Variants in TEP1 observed in about 807,000 individuals in gnomAD.
TEP1 encodes the protein telomerase protein component 1.
In TEP1, 241 loss-of-function variants were observed where a neutral mutation model predicts 306.3. That is an observed-to-expected ratio of 0.79 (90% CI 0.71 to 0.88). TEP1 has a LOEUF of 0.88. Ranked by LOEUF, TEP1 falls within the 40% of genes least tolerant of loss-of-function variation. TEP1 has a pLI of 0.00. For missense variants in TEP1, 3,051 were observed against 3,276.1 expected (o/e 0.93, Z 1.68); for synonymous variants, 1,289 against 1,305.5 (o/e 0.99, Z 0.27).
rs146938823 is a variant in TEP1, at chr14:20,373,141, G to T, written c.6821C>A (p.Thr2274Lys). The T allele has an allele frequency of 4.3e-6, 7 of 1,614,096 alleles. No individual in the cohort carries two copies. In the African/African-American group the frequency reaches 8.0e-5, roughly 18 times the overall value. ...GGCTGCAGAACTCCTTGGTATACAT[G>T]TGTCATCTGGAGGAGAAAGGACGTG... is the stretch of plus-strand genomic sequence containing the variant. Reference protein sequence around the residue: ...LWQVPKEADDTCIPRSSAAVT... With the variant: ...LWQVPKEADDKCIPRSSAAVT... The change falls in exon 48 of 55, where the codon ACA becomes AAA. Residue 2274 changes from threonine to lysine, a missense_variant. Around this residue, in one of 3 missense-constraint regions of TEP1, gnomAD observed 1,540 missense variants for 1,705.9 expected, o/e 0.90. Coordinates refer to ENST00000262715, the MANE Select transcript of TEP1 (RefSeq NM_007110.5).
intron 7 of TEP1, 65 bp from the exon 8 acceptor site, chr14:20,401,646 T>C (rs745542073): frequency 1.9e-5 from 31 of 1,593,218 alleles, no homozygotes; most frequent in Admixed American, 1.1e-4. Context: ...CTTTCTTCAA[T>C]AAAGCAGATT....
At chr14:20,391,565 C>A (rs528685127) in intron 13 of TEP1, 34 bp downstream of exon 13, 2 of 1,596,086 alleles carry the variant, frequency 1.3e-6, no homozygotes, top group South Asian at 2.2e-5. Context: ...TTCTACCAAC[C>A]CAACCCCTTG....
intron 49 of TEP1, among the ~76,000 whole-genome samples, chr14:20,372,143 C>T (rs1321055793): frequency 1.3e-5 from 2 of 152,132 alleles, no homozygotes; most frequent in Non-Finnish European, 1.5e-5. Flanking sequence ...TATTCAATTC[C>T]ATTTCCCTTA....
chr14:20,366,680 C>T lies in TEP1; in HGVS notation c.*1757G>A, dbSNP rs561724576. ...GAGTAAAACTCAGTGCCCTTTAACT[C>T]CCCAAGTCTTCAAAACTCATTTCTA... On this transcript the variant is annotated 3_prime_UTR_variant, in exon 55 of 55. Coordinates refer to ENST00000262715, the MANE Select transcript of TEP1 (RefSeq NM_007110.5). The T allele has an allele frequency of 2.0e-5, 3 of 152,280 alleles. No individual in the cohort carries two copies. Among genetic ancestry groups the T allele is most frequent in the South Asian group, 4.2e-4 (2 of 4,818 alleles). 9.4% of individuals were successfully genotyped at this position (152,280 alleles called of 1,614,324 possible). A position where few individuals can be genotyped will look rare whatever the true frequency, so the allele number is the denominator to read the frequency against.
chr14:20,374,809 G>T (rs572714377), intron 43 of TEP1, among the ~76,000 whole-genome samples: 1 of 152,246 alleles, frequency 6.6e-6, no homozygotes, highest in South Asian at 2.1e-4. Flanking sequence ...AAGGACTTAG[G>T]CTGGGCACGG....
chr14:20,396,603 C>T lies in TEP1; in HGVS notation c.1659+18G>A. The stretch of plus-strand genomic sequence containing the variant: ...ATCTAGTTGCTGGGCCCCATGGCTA[C>T]CAGCCCCTCACACATACCGCATGCT... On this transcript the variant is annotated intron_variant, in intron 10 of 54. Coordinates refer to ENST00000262715, the MANE Select transcript of TEP1 (RefSeq NM_007110.5). The T allele has an allele frequency of 6.3e-7, 1 of 1,589,596 alleles. No individual in the cohort carries two copies. The highest frequency in any genetic ancestry group is 1.7e-5 in the Admixed American group (1 of 59,474).
intron 49 of TEP1, among the ~76,000 whole-genome samples, chr14:20,371,933 A>T (rs1884866078): frequency 6.6e-6 from 1 of 151,934 alleles, no homozygotes; most frequent in South Asian, 2.1e-4. Context: ...TCCCCTTCTC[A>T]TCTCCACAGC....
intron 43 of TEP1, among the ~76,000 whole-genome samples, chr14:20,374,781 G>A (rs1184929663): frequency 6.6e-6 from 1 of 152,052 alleles, no homozygotes; most frequent in Non-Finnish European, 1.5e-5. Context: ...TGGTTGTGGG[G>A]CTGAGTGCGT....
intron 13 of TEP1, 65 bp from the exon 14 acceptor site, chr14:20,391,161 G>A: frequency 6.5e-7 from 1 of 1,541,452 alleles, no homozygotes; most frequent in Non-Finnish European, 8.9e-7. Flanking sequence ...TGCCCAGCCA[G>A]CCCTGGAGGC....
In TEP1 at chr14:20,380,960, G is replaced by A. The variant is rs1324167387; in HGVS notation, c.4733C>T (p.Ser1578Phe). ...GAGGGCATGGGCCTCCAAGAGCCGAGAGACCAGACCCAATTCCAAGTGTGC... is the reference window on the plus strand; with the variant it reads ...GAGGGCATGGGCCTCCAAGAGCCGAAAGACCAGACCCAATTCCAAGTGTGC... ...VAAHLELGLV[S>F]RLLEAHALYA... The change falls in exon 33 of 55, where the codon TCT (serine) becomes TTT (phenylalanine). Residue 1578 changes from serine to phenylalanine, a missense_variant. Ser to Phe is a radical substitution (Grantham distance 155, BLOSUM62 -2). Transcript: ENST00000262715. 6.2e-7 allele frequency: 1 copy of A among 1,614,130 alleles called. No individual in the cohort carries two copies. Among genetic ancestry groups the A allele is most frequent in the Non-Finnish European group, 8.5e-7 (1 of 1,180,032 alleles).
rs1885434574 is a variant in TEP1, at chr14:20,380,026, T to C, written c.5031A>G (p.Ser1677=). ...TGGAGAAGGCCACAGCAGTAGGGGA[T>C]GAGGAAACTGCCAGAGACAGGCTGG... ...QSSSLSLAVS[S]SPTAVAFSTN... Residue 1677 remains serine (S), a synonymous_variant, in exon 35 of 55, where the codon TCA becomes TCG. Coordinates refer to ENST00000262715, the MANE Select transcript of TEP1 (RefSeq NM_007110.5). 3.1e-6 allele frequency: 5 copies of C among 1,613,746 alleles called. No homozygotes were observed. Among genetic ancestry groups the C allele is most frequent in the Non-Finnish European group, 4.2e-6 (5 of 1,179,928 alleles).
chr14:20,398,030 G>A (rs1168123141), intron 9 of TEP1, among the ~76,000 whole-genome samples: 2 of 151,776 alleles, frequency 1.3e-5, no homozygotes, highest in African/African-American at 2.4e-5. Context: ...TGGGATTACA[G>A]GCGTGAGCCA....
At chr14:20,388,125 C>A in intron 17 of TEP1, 62 bp from the exon 18 acceptor site, 2 of 1,578,198 alleles carry the variant, frequency 1.3e-6, no homozygotes, top group South Asian at 2.3e-5. Context: ...GTGAGGTCTT[C>A]CGAAAAGGGC....
rs1302419279 is a variant in TEP1, at chr14:20,380,485, G to C, written c.4763-10C>G. The C allele has an allele frequency of 6.2e-6, 10 of 1,605,920 alleles. No individual in the cohort carries two copies. The highest frequency in any genetic ancestry group is 8.5e-6 in the Non-Finnish European group (10 of 1,177,174). On this transcript the variant is annotated splice_polypyrimidine_tract_variant and intron_variant, in intron 33 of 54. Transcript: ENST00000262715. ...TTGGGGACTGAAGAAGCTATAAAAG[G>C]GTGGCAGAATGTCACTGGGGAGCCA...
chr14:20,372,562 C>T (rs1189360778), intron 49 of TEP1, among the ~76,000 whole-genome samples, 171 bp downstream of exon 49: 2 of 152,106 alleles, frequency 1.3e-5, no homozygotes, highest in African/African-American at 4.8e-5. Context: ...CAAGTAGGCA[C>T]CTGAGAATTA....
At chr14:20,394,983 G>C (rs945010) in intron 12 of TEP1, among the ~76,000 whole-genome samples, 40,587 of 152,092 alleles carry the variant, frequency 0.27, 6,234 homozygotes, top group Non-Finnish European at 0.35. Context: ...ATCTGTCTTT[G>C]AGCCTGCTGA....
In TEP1 at chr14:20,378,538, G is replaced by T. The variant is rs1456163871; in HGVS notation, c.5353-3C>A. ...TGCCCACGGACTGTGTCCCACAGCT[G>T]AGGGAGAGAGAGGAGGAATCAGGAT... On this transcript the variant is annotated splice_region_variant and splice_polypyrimidine_tract_variant and intron_variant, in intron 37 of 54. Coordinates refer to ENST00000262715, the MANE Select transcript of TEP1 (RefSeq NM_007110.5). 3.1e-6 allele frequency: 5 copies of T among 1,614,150 alleles called. No homozygotes were observed. The Middle Eastern group carries it at 4.9e-4, about 160-fold the overall frequency.
rs778633207 is a variant in TEP1, at chr14:20,395,488, C to T, written c.1890G>A (p.Glu630=). The change falls in exon 12 of 55, where the codon GAG becomes GAA. Residue 630 remains glutamate (E), a synonymous_variant. Coordinates refer to ENST00000262715, the MANE Select transcript of TEP1 (RefSeq NM_007110.5). ...RMAMRIPVLY[E]QLKREKLRVH... is the part of the protein sequence containing the mutation. ...CTCTCAGCTTCTCCCTCTTGAGCTG[C>T]TCATACAACACAGGTATCCTCATTG... The T allele has an allele frequency of 6.2e-7, 1 of 1,610,762 alleles. No homozygotes were observed. Among genetic ancestry groups the T allele is most frequent in the Non-Finnish European group, 8.5e-7 (1 of 1,177,602 alleles).
At chr14:20,369,288 G>A in intron 53 of TEP1, 56 bp downstream of exon 53, 1 of 1,577,156 alleles carries the variant, frequency 6.3e-7, no homozygotes, top group Non-Finnish European at 8.7e-7. Flanking sequence ...GATTATAGGT[G>A]TGAGCCACTG....
Sources: allele counts gnomAD v4.1 joint callset (sites outside exome capture counted in the v4.1 genomes callset), GRCh38; gene constraint gnomAD v4.1.1; regional missense constraint gnomAD v4.1.1; transcripts MANE v1.5; gene names NCBI Gene and HGNC (gene_info 2026-07-23, HGNC 2026-07-21).